The following STARD9 variants were observed in gnomAD, a reference collection of about 807,000 sequenced individuals.
STARD9 encodes StAR related lipid transfer domain containing 9, also known as stAR-related lipid transfer protein 9.
A neutral mutation model predicts 399.8 loss-of-function variants in STARD9; 346 were observed. The ratio of observed to expected loss-of-function variants is 0.87; its 90% CI spans 0.79 to 0.95. The LOEUF is 0.95. Among genes scored for constraint, STARD9 ranks in the 40% least tolerant of loss-of-function variants. The probability of loss-of-function intolerance (pLI) is 0.00; values close to 1 mark genes in which losing one functional copy is unlikely to be tolerated. For missense variants in STARD9, 5,832 were observed against 5,667.5 expected (o/e 1.03, Z -0.93); for synonymous variants, 2,203 against 2,143.5 (o/e 1.03, Z -0.77).
At chr15:42,638,950 T>G in intron 7 of STARD9, 138 bp downstream of exon 7, 1 of 456,826 alleles carries the variant, frequency 2.2e-6, no homozygotes, top group Non-Finnish European at 3.8e-6. Flanking sequence ...GAATATGTAT[T>G]GATAAATAGA....
At position 42,691,335 on chromosome 15, in the gene STARD9, G is replaced by C; in HGVS notation, c.9757G>C (p.Ala3253Pro). The C allele has an allele frequency of 6.5e-7, 1 of 1,537,182 alleles. No homozygotes were observed. The highest frequency in any genetic ancestry group is 8.7e-7 in the Non-Finnish European group (1 of 1,146,878). The change falls in exon 23 of 33, where the codon GCT becomes CCT. Residue 3253 changes from alanine (A) to proline (P), a missense_variant. This residue lies in a region of STARD9 where 5,828 missense variants were observed against 5,651.1 expected (regional missense o/e 1.03). Coordinates refer to ENST00000290607, the MANE Select transcript of STARD9 (RefSeq NM_020759.3). ...QILDAGREEV[A>P]VAKPPVSKIL... ...TTTAGATGCTGGGAGAGAGGAGGTG[G>C]CTGTGGCCAAGCCTCCTGTGTCCAA... is the stretch of plus-strand genomic sequence containing the variant.
At chr15:42,652,002 T>C (rs866477028) in intron 8 of STARD9, among the ~76,000 whole-genome samples, 5 of 152,234 alleles carry the variant, frequency 3.3e-5, no homozygotes, top group South Asian at 2.1e-4. Flanking sequence ...AAGCATGATA[T>C]TGATGTGATT....
At chr15:42,636,208 A>T (rs2059415572) in intron 4 of STARD9, among the ~76,000 whole-genome samples, 1 of 152,106 alleles carries the variant, frequency 6.6e-6, no homozygotes, top group African/African-American at 2.4e-5. Context: ...AGGTGGGAGG[A>T]TGGCTTCAGC....
chr15:42,610,168 A>G (rs2141805508), intron 3 of STARD9, among the ~76,000 whole-genome samples: 1 of 152,344 alleles, frequency 6.6e-6, no homozygotes, highest in Middle Eastern at 3.4e-3. Context: ...TAAAAGCAGC[A>G]TAACCATTGC....
chr15:42,689,841 G>C lies in STARD9; in HGVS notation c.8263G>C (p.Val2755Leu), dbSNP rs1209554305. 6.5e-7 allele frequency: 1 copy of C among 1,537,344 alleles called. No homozygotes were observed. Among genetic ancestry groups the C allele is most frequent in the Non-Finnish European group, 8.7e-7 (1 of 1,146,942 alleles). Reference sequence around the variant, plus strand: ...TCAGGCCCCTTATGATGATCCTAGAGTGACTCTGCATGAGCTAAGTCAGTC... The same window carrying C: ...TCAGGCCCCTTATGATGATCCTAGACTGACTCTGCATGAGCTAAGTCAGTC... Reference protein sequence around the residue: ...PSQAPYDDPRVTLHELSQSVP... With the variant: ...PSQAPYDDPRLTLHELSQSVP... Residue 2755 changes from valine to leucine, a missense_variant, in exon 23 of 33, where the codon GTG becomes CTG. Around this residue, in one of 2 missense-constraint regions of STARD9, gnomAD observed 5,828 missense variants for 5,651.1 expected, o/e 1.03. Coordinates refer to ENST00000290607, the MANE Select transcript of STARD9 (RefSeq NM_020759.3).
chr15:42,687,574 C>T lies in STARD9; in HGVS notation c.5996C>T (p.Thr1999Ile), dbSNP rs2060591839. 1 of 1,537,030 alleles carries T rather than the reference C, an allele frequency of 6.5e-7. No individual in the cohort carries two copies. The highest frequency in any genetic ancestry group is 2.0e-5 in the Admixed American group (1 of 50,998). Residue 1999 changes from threonine to isoleucine, a missense_variant, in exon 23 of 33, where the codon ACA becomes ATA. By Grantham distance (89) the Thr-to-Ile change is moderately conservative (BLOSUM62 -1). Around this residue, in one of 2 missense-constraint regions of STARD9, gnomAD observed 5,828 missense variants for 5,651.1 expected, o/e 1.03. Coordinates refer to ENST00000290607, the MANE Select transcript of STARD9 (RefSeq NM_020759.3). ...DSSEEFKLPG[T>I]KPAYERFQLV... ...TCAGAAGAGTTTAAGCTTCCAGGTA[C>T]AAAGCCTGCATATGAAAGGTTCCAG... is the stretch of plus-strand genomic sequence containing the variant.
At position 42,685,344 on chromosome 15, in the gene STARD9, C is replaced by T; in HGVS notation, c.3766C>T (p.Pro1256Ser). 6.5e-7 allele frequency: 1 copy of T among 1,537,248 alleles called. No homozygotes were observed. Among genetic ancestry groups the T allele is most frequent in the Non-Finnish European group, 8.7e-7 (1 of 1,146,938 alleles). ...MDQEAICRLG[P>S]INYRTAARLD... Reference sequence around the variant, plus strand: ...CCAAGAGGCAATATGCAGGCTTGGTCCCATCAACTACAGAACAGCAGCTAG... The same window carrying T: ...CCAAGAGGCAATATGCAGGCTTGGTTCCATCAACTACAGAACAGCAGCTAG... The change falls in exon 23 of 33, where the codon CCC becomes TCC. Residue 1256 changes from proline (P) to serine (S), a missense_variant. Pro to Ser is a moderately conservative substitution (Grantham distance 74). Coordinates refer to ENST00000290607, the MANE Select transcript of STARD9 (RefSeq NM_020759.3).
intron 3 of STARD9, among the ~76,000 whole-genome samples, chr15:42,614,253 G>A (rs1185550914): frequency 6.6e-6 from 1 of 151,854 alleles, no homozygotes; most frequent in Non-Finnish European, 1.5e-5. Flanking sequence ...GGAGGTTGCA[G>A]TGAGCCAAGA....
At chr15:42,636,549 C>G (rs974149998) in intron 4 of STARD9, among the ~76,000 whole-genome samples, 3 of 151,836 alleles carry the variant, frequency 2.0e-5, no homozygotes, top group Non-Finnish European at 4.4e-5. Context: ...CCATTGCACT[C>G]CAGCCTGGGA....
intron 7 of STARD9, among the ~76,000 whole-genome samples, chr15:42,639,337 T>C (rs1229124051): frequency 1.3e-5 from 2 of 152,100 alleles, no homozygotes; most frequent in Non-Finnish European, 2.9e-5. Flanking sequence ...AGGCGCCCAA[T>C]ATGGCATGGC....
chr15:42,623,264 G>A (rs1226775601), intron 3 of STARD9, among the ~76,000 whole-genome samples: 4 of 151,694 alleles, frequency 2.6e-5, no homozygotes, highest in African/African-American at 9.7e-5. Flanking sequence ...AAAAAAAAAA[G>A]ATGCCGATCA....
In STARD9 at chr15:42,606,255, A is replaced by G. The variant is rs181139358; in HGVS notation, c.234+20618A>G. Among the ~76,000 whole-genome samples, 3 of 152,308 alleles carry G rather than the reference A, an allele frequency of 2.0e-5. No homozygotes were observed. In the East Asian group the frequency reaches 5.8e-4, roughly 29 times the overall value. On this transcript the variant is annotated intron_variant, in intron 3 of 32. Coordinates refer to ENST00000290607, the MANE Select transcript of STARD9 (RefSeq NM_020759.3). ...TTTTAGTCCATTCTACTGTCTCACCACATCCTGCTACCTTTGCACTCCTTC... is the reference window on the plus strand; with the variant it reads ...TTTTAGTCCATTCTACTGTCTCACCGCATCCTGCTACCTTTGCACTCCTTC...
Position 42,719,627 on chromosome 15 carries a change from G to GA in STARD9, c.*54dup, listed in dbSNP as rs1331209001. ...AGATGCAGGCCCAGGCTGCTCAAGA[G>GA]AGACACTGTGGCAGCTCCTTGTTAC... On this transcript the variant is annotated 3_prime_UTR_variant, in exon 33 of 33. Coordinates refer to ENST00000290607, the MANE Select transcript of STARD9 (RefSeq NM_020759.3). 2 of 1,172,144 alleles carry GA rather than the reference G, an allele frequency of 1.7e-6. No individual in the cohort carries two copies. Among genetic ancestry groups the GA allele is most frequent in the African/African-American group, 3.1e-5 (2 of 65,326 alleles). 72.6% of individuals were successfully genotyped at this position (1,172,144 alleles called of 1,614,324 possible).
intron 7 of STARD9, among the ~76,000 whole-genome samples, chr15:42,642,348 C>G (rs187874698): frequency 6.6e-6 from 1 of 152,128 alleles, no homozygotes; most frequent in South Asian, 2.1e-4. Context: ...ATTTATTAGT[C>G]GAGAGATTAA....
intron 22 of STARD9, among the ~76,000 whole-genome samples, chr15:42,683,514 TAA>T (rs1257910050): frequency 2.0e-5 from 3 of 152,180 alleles, no homozygotes; most frequent in Admixed American, 6.5e-5. Context: ...CTACCAAAAT[TAA>T]GATTATTTGA....
At position 42,684,732 on chromosome 15, in the gene STARD9, G is replaced by A. The variant is rs748969713; in HGVS notation, c.3154G>A (p.Val1052Ile). ...KRHQRVLATR[V>I]RNITKKSSHL... ...GCATCAGAGGGTTCTGGCAACTAGG[G>A]TCAGAAATATTACCAAAAAGTCCTC... The change falls in exon 23 of 33, where the codon GTC (valine) becomes ATC (isoleucine). Residue 1052 changes from valine to isoleucine, a missense_variant. By Grantham distance (29) the Val-to-Ile change is conservative. Coordinates refer to ENST00000290607, the MANE Select transcript of STARD9 (RefSeq NM_020759.3). 2.0e-6 allele frequency: 3 copies of A among 1,537,184 alleles called. No individual in the cohort carries two copies. In the Admixed American group the frequency reaches 5.9e-5, roughly 30 times the overall value.
chr15:42,712,788 G>C (rs992954092), intron 26 of STARD9, among the ~76,000 whole-genome samples: 6 of 152,110 alleles, frequency 3.9e-5, no homozygotes, highest in African/African-American at 1.4e-4. Context: ...CACCTCAGCC[G>C]CCCAAAGTGC....
rs1480523414 is a variant in STARD9, at chr15:42,691,565, C to T, written c.9987C>T (p.Val3329=). 8.5e-6 allele frequency: 13 copies of T among 1,537,126 alleles called. No individual in the cohort carries two copies. The highest frequency in any genetic ancestry group is 1.7e-4 in the Middle Eastern group (1 of 6,012). ...CCCCCACACCACAGTTCTCAGTTGT[C>T]GGCTCTTCTCGTTCTCTTCAGGAGC... ...RSSPTPQFSV[V]GSSRSLQELN... Residue 3329 remains valine (V), a synonymous_variant, in exon 23 of 33, where the codon GTC becomes GTT. Transcript: ENST00000290607.
rs534613511 is a variant in STARD9 at position 42,719,783 on chromosome 15, G to A, written c.*209G>A. 5 of 547,196 alleles carry A rather than the reference G, an allele frequency of 9.1e-6. No individual in the cohort carries two copies. The highest frequency in any genetic ancestry group is 3.3e-5 in the Admixed American group (1 of 30,298). The allele number at this position is 547,196 out of a possible 1,614,324, so 33.9% of individuals were successfully genotyped here. On this transcript the variant is annotated 3_prime_UTR_variant, in exon 33 of 33. Coordinates refer to ENST00000290607, the MANE Select transcript of STARD9 (RefSeq NM_020759.3). ...CAGCTGGCACCAGTGCAGAGCAAACGGCCTGAGCTCCTGGCCCAGACTATC... is the reference window on the plus strand; with the variant it reads ...CAGCTGGCACCAGTGCAGAGCAAACAGCCTGAGCTCCTGGCCCAGACTATC...
Sources: allele counts gnomAD v4.1 joint callset (sites outside exome capture counted in the v4.1 genomes callset), GRCh38; gene constraint gnomAD v4.1.1; regional missense constraint gnomAD v4.1.1; transcripts MANE v1.5; gene names NCBI Gene and HGNC (gene_info 2026-07-23, HGNC 2026-07-21).